The following EPC2 variants were observed in gnomAD, a reference collection of about 807,000 sequenced individuals.
EPC2 encodes enhancer of polycomb homolog 2.
A neutral mutation model predicts 92.1 loss-of-function variants in EPC2; 14 were observed. The ratio of observed to expected loss-of-function variants is 0.15; its 90% CI spans 0.10 to 0.24. The LOEUF (loss-of-function observed/expected upper bound fraction) is 0.24. Ranked by LOEUF, EPC2 falls within the 10% of genes least tolerant of loss-of-function variation. EPC2 has a pLI of 1.00. For missense variants in EPC2, 755 were observed against 971.5 expected (o/e 0.78, Z 2.96); for synonymous variants, 340 against 334.7 (o/e 1.02, Z -0.17).
intron 2 of EPC2, among the ~76,000 whole-genome samples, chr2:148,705,652 T>A (rs967462206): frequency 6.6e-5 from 10 of 152,154 alleles, no homozygotes; most frequent in African/African-American, 2.4e-4. Context: ...CAGCAATATT[T>A]GTTGTTCTGC....
chr2:148,707,896 G>A (rs1387937706), intron 2 of EPC2, among the ~76,000 whole-genome samples: 1 of 152,172 alleles, frequency 6.6e-6, no homozygotes, highest in Non-Finnish European at 1.5e-5. Flanking sequence ...GAGAAAGCAG[G>A]AAAGATCTAA....
chr2:148,745,032 G>A (rs1272792998), intron 3 of EPC2, among the ~76,000 whole-genome samples: 2 of 119,498 alleles, frequency 1.7e-5, no homozygotes, highest in Non-Finnish European at 3.2e-5. Context: ...AATATCCACT[G>A]TACTATTCAA....
At chr2:148,690,157 T>G (rs1468392405) in intron 1 of EPC2, 57 bp from the exon 2 acceptor site, 1 of 1,458,086 alleles carries the variant, frequency 6.9e-7, no homozygotes, top group African/African-American at 1.4e-5. Context: ...TTATATAAAA[T>G]TATGCATTGA....
At chr2:148,730,090 T>C (rs1262670594) in intron 2 of EPC2, among the ~76,000 whole-genome samples, 1 of 152,232 alleles carries the variant, frequency 6.6e-6, no homozygotes, top group Non-Finnish European at 1.5e-5. Context: ...TTTGAACTTT[T>C]CTGCACTTCA....
Position 148,786,368 on chromosome 2 carries a change from A to G in EPC2, c.2415A>G (p.Glu805=), listed in dbSNP as rs766062115. The change falls in exon 14 of 14, where the codon GAA becomes GAG. Residue 805 remains glutamate (E), a synonymous_variant. Transcript: ENST00000258484. ...NGIAETTVAM[E]VT is the part of the protein sequence containing the mutation. ...TAGCAGAGACAACAGTAGCTATGGA[A>G]GTGACATAACCTAAAACACGTGGCT... The G allele has an allele frequency of 5.0e-6, 8 of 1,609,062 alleles. No homozygotes were observed. Among genetic ancestry groups the G allele is most frequent in the South Asian group, 1.1e-5 (1 of 89,758 alleles).
chr2:148,779,296 T>G (rs1574639470), intron 10 of EPC2, among the ~76,000 whole-genome samples: 1 of 152,184 alleles, frequency 6.6e-6, no homozygotes, highest in Non-Finnish European at 1.5e-5. Flanking sequence ...AAAGTAGCAA[T>G]TTGGGCTGGT....
chr2:148,724,065 T>TTA (rs1682437254), intron 2 of EPC2, among the ~76,000 whole-genome samples: 1 of 152,090 alleles, frequency 6.6e-6, no homozygotes, highest in South Asian at 2.1e-4. Context: ...TTTAAAGAAG[T>TTA]TTTTGACTGT....
In EPC2 at chr2:148,753,113, T is replaced by C. The variant is rs114511058; in HGVS notation, c.460-814T>C. Among the ~76,000 whole-genome samples the C allele has an allele frequency of 5.5e-3, 833 of 152,320 alleles. 7 individuals carry two copies. Among genetic ancestry groups the C allele is most frequent in the African/African-American group, 0.019 (782 of 41,556 alleles). On this transcript the variant is annotated intron_variant, in intron 3 of 13. Coordinates refer to ENST00000258484, the MANE Select transcript of EPC2 (RefSeq NM_015630.4). ...CATCCTGCTAAAGCCGATTGTCTTA[T>C]CCGATCTCGAGGTGCAAGGCAACAA...
At chr2:148,648,960 C>G (rs966856785) in intron 1 of EPC2, among the ~76,000 whole-genome samples, 2 of 152,182 alleles carry the variant, frequency 1.3e-5, no homozygotes, top group Admixed American at 6.5e-5. Context: ...TTAACTTGGT[C>G]TTTGTAATGC....
chr2:148,685,779 T>A (rs1048982750), intron 1 of EPC2, among the ~76,000 whole-genome samples: 1 of 152,040 alleles, frequency 6.6e-6, no homozygotes, highest in African/African-American at 2.4e-5. Context: ...AAAATAAAAA[T>A]AAAAAAATAA....
At chr2:148,665,918 T>G (rs2105357664) in intron 1 of EPC2, among the ~76,000 whole-genome samples, 1 of 152,340 alleles carries the variant, frequency 6.6e-6, no homozygotes, top group East Asian at 1.9e-4. Context: ...TGTCTTTAAA[T>G]ATAGTTTTAC....
intron 13 of EPC2, among the ~76,000 whole-genome samples, chr2:148,785,276 A>G (rs918814295): frequency 3.9e-5 from 6 of 152,072 alleles, no homozygotes; most frequent in Non-Finnish European, 7.4e-5. Context: ...AGGACATCCA[A>G]CTGTCAAACA....
At chr2:148,711,887 A>T (rs1488693293) in intron 2 of EPC2, among the ~76,000 whole-genome samples, 5 of 152,016 alleles carry the variant, frequency 3.3e-5, no homozygotes, top group African/African-American at 1.2e-4. Context: ...GTCTCAAGTG[A>T]TTATAGGTAC....
chr2:148,689,986 T>TA (rs11371312), intron 1 of EPC2, among the ~76,000 whole-genome samples: 32,465 of 151,774 alleles, frequency 0.21, 4,155 homozygotes, highest in East Asian at 0.48. Context: ...TAATTTTGTT[T>TA]AAAAAATTCT....
At chr2:148,740,775 CCA>C in intron 2 of EPC2, among the ~76,000 whole-genome samples, 1 of 152,248 alleles carries the variant, frequency 6.6e-6, no homozygotes, top group East Asian at 1.9e-4. Context: ...TAACTCTGCT[CCA>C]CACTTTCCTA....
chr2:148,762,088 T>C, intron 5 of EPC2, 158 bp downstream of exon 5: 1 of 581,186 alleles, frequency 1.7e-6, no homozygotes, highest in East Asian at 4.1e-5. Context: ...GTTACTAGTT[T>C]TTATAGATTA....
At chr2:148,755,875 A>T (rs1434005155) in intron 4 of EPC2, among the ~76,000 whole-genome samples, 1 of 152,228 alleles carries the variant, frequency 6.6e-6, no homozygotes, top group East Asian at 1.9e-4. Context: ...TACAGGTGTG[A>T]GCCACCACAT....
intron 1 of EPC2, among the ~76,000 whole-genome samples, chr2:148,673,970 A>C (rs924031544): frequency 1.3e-5 from 2 of 152,234 alleles, no homozygotes; most frequent in South Asian, 4.1e-4. Context: ...TTTTTATTAG[A>C]TAATTCATAG....
intron 1 of EPC2, among the ~76,000 whole-genome samples, chr2:148,648,094 ATTCT>A (rs1472514375): frequency 6.6e-6 from 1 of 152,260 alleles, no homozygotes; most frequent in Non-Finnish European, 1.5e-5. Flanking sequence ...AGAACCTCTG[ATTCT>A]TTGTCCTGTC....
Sources: allele counts gnomAD v4.1 joint callset (sites outside exome capture counted in the v4.1 genomes callset), GRCh38; gene constraint gnomAD v4.1.1; transcripts MANE v1.5; gene names NCBI Gene and HGNC (gene_info 2026-07-23, HGNC 2026-07-21).